TENM4: variants seen among roughly 807,000 people sequenced by gnomAD.
TENM4 encodes the protein teneurin transmembrane protein 4.
In TENM4, 82 loss-of-function variants were observed where a neutral mutation model predicts 243.3. That is an observed-to-expected ratio of 0.34 (90% confidence interval 0.28 to 0.40). The LOEUF is 0.40. Among genes scored for constraint, TENM4 ranks in the 10% least tolerant of loss-of-function variants. TENM4 has a pLI of 1.00. For missense variants in TENM4, 3,138 were observed against 3,673.3 expected, an observed-to-expected ratio of 0.85 and a Z score of 3.77; for synonymous variants, 1,412 against 1,456.3, an observed-to-expected ratio of 0.97 and a Z score of 0.69.
intron 6 of TENM4, among the ~76,000 whole-genome samples, chr11:79,049,601 C>G (rs1242209478): frequency 6.6e-6 from 1 of 152,226 alleles, no homozygotes; most frequent in Non-Finnish European, 1.5e-5. Flanking sequence ...GGCTGGTAAA[C>G]AGTTGCCTAG....
At chr11:78,743,359 C>A (rs911881371) in intron 19 of TENM4, among the ~76,000 whole-genome samples, 1 of 152,180 alleles carries the variant, frequency 6.6e-6, no homozygotes, top group African/African-American at 2.4e-5. Context: ...CAGCATTGAT[C>A]ACGGTTGATG....
At chr11:78,850,685 G>T (rs1299156675) in intron 12 of TENM4, among the ~76,000 whole-genome samples, 2 of 152,228 alleles carry the variant, frequency 1.3e-5, no homozygotes, top group East Asian at 3.8e-4. Flanking sequence ...AAGGCAGCAA[G>T]AGAAAGGTGG....
chr11:78,766,626 C>A (rs1456358797), intron 18 of TENM4, among the ~76,000 whole-genome samples: 7 of 151,976 alleles, frequency 4.6e-5, no homozygotes, highest in Non-Finnish European at 1.0e-4. Flanking sequence ...ATTTTTAAAT[C>A]TAGCCAACAA....
chr11:79,208,295 A>G (rs916622773), intron 3 of TENM4, among the ~76,000 whole-genome samples: 1 of 152,328 alleles, frequency 6.6e-6, no homozygotes, highest in East Asian at 1.9e-4. Flanking sequence ...GAAAAGTGCT[A>G]TTTATGACAG....
chr11:78,702,716 A>G lies in TENM4; in HGVS notation c.4210-313T>C, dbSNP rs541762122. 6.6e-5 allele frequency among the ~76,000 whole-genome samples: 10 copies of G among 152,342 alleles called. No homozygotes were observed. In the East Asian group the frequency reaches 1.2e-3, roughly 18 times the overall value. ...GCCTGAGTTCAGAGCATAGTCCACTACTTATGACTGTGGGCAAGTTACTTT... is the reference window on the plus strand; with the variant it reads ...GCCTGAGTTCAGAGCATAGTCCACTGCTTATGACTGTGGGCAAGTTACTTT... On this transcript the variant is annotated intron_variant, in intron 27 of 33. Coordinates refer to ENST00000278550, the MANE Select transcript of TENM4 (RefSeq NM_001098816.3).
chr11:79,044,004 T>C (rs971096645), intron 6 of TENM4, among the ~76,000 whole-genome samples: 5 of 152,158 alleles, frequency 3.3e-5, no homozygotes, highest in Non-Finnish European at 5.9e-5. Context: ...CCACTGACTT[T>C]GAACTTCATG....
intron 3 of TENM4, among the ~76,000 whole-genome samples, chr11:79,154,040 C>T (rs545756010): frequency 1.3e-5 from 2 of 152,194 alleles, no homozygotes; most frequent in Non-Finnish European, 2.9e-5. Context: ...AACCTGAAGG[C>T]TTATGTCACC....
At chr11:79,238,256 C>T (rs527507416) in intron 2 of TENM4, among the ~76,000 whole-genome samples, 1 of 152,148 alleles carries the variant, frequency 6.6e-6, no homozygotes, top group African/African-American at 2.4e-5. Context: ...GGGTTAATTT[C>T]ATGTGTCAAG....
chr11:79,326,856 C>A (rs1244262269), intron 1 of TENM4, among the ~76,000 whole-genome samples: 1 of 152,200 alleles, frequency 6.6e-6, no homozygotes, highest in African/African-American at 2.4e-5. Context: ...ACTCCAGTGC[C>A]AGGCATATGG....
chr11:79,316,504 G>T (rs1424879406), intron 1 of TENM4, among the ~76,000 whole-genome samples: 4 of 152,190 alleles, frequency 2.6e-5, no homozygotes, highest in African/African-American at 9.7e-5. Context: ...AGAAGACTGG[G>T]TTGAGTATTA....
At chr11:79,352,207 T>A (rs1163535926) in intron 1 of TENM4, among the ~76,000 whole-genome samples, 2 of 152,148 alleles carry the variant, frequency 1.3e-5, no homozygotes, top group Non-Finnish European at 2.9e-5. Context: ...GCTGCCAGAA[T>A]GAATTAGAAG....
At chr11:79,439,084 C>T (rs1000236864) in intron 1 of TENM4, 1 of 151,892 alleles carries the variant, frequency 6.6e-6, no homozygotes, top group African/African-American at 2.4e-5. Flanking sequence ...AGATCTCTCT[C>T]CTTACTCGGC....
At chr11:79,267,938 T>C (rs1222835071) in intron 2 of TENM4, among the ~76,000 whole-genome samples, 3 of 152,226 alleles carry the variant, frequency 2.0e-5, no homozygotes, top group Non-Finnish European at 4.4e-5. Context: ...ATCCTGCTAG[T>C]GTAACCAAAA....
At chr11:79,188,692 G>A (rs1170697696) in intron 3 of TENM4, among the ~76,000 whole-genome samples, 3 of 151,546 alleles carry the variant, frequency 2.0e-5, no homozygotes, top group Non-Finnish European at 4.4e-5. Context: ...GGAGAAAAGA[G>A]AGAGAGGAGG....
chr11:79,326,986 A>G (rs1856984752), intron 1 of TENM4, among the ~76,000 whole-genome samples: 1 of 152,176 alleles, frequency 6.6e-6, no homozygotes, highest in South Asian at 2.1e-4. Context: ...CATCTCACTT[A>G]TTTTTCTCTC....
rs1859891907 is a variant in TENM4, at chr11:79,054,557, G to C, written c.493+10181C>G. On this transcript the variant is annotated intron_variant, in intron 6 of 33. Transcript: ENST00000278550. ...TCTGCTGCCCAGGCTAGAGTTCAGTGGTGTAATCATAGCTCACTGCAGCCT... is the reference window on the plus strand; with the variant it reads ...TCTGCTGCCCAGGCTAGAGTTCAGTCGTGTAATCATAGCTCACTGCAGCCT... Among the ~76,000 whole-genome samples, 2 of 151,200 alleles carry C rather than the reference G, an allele frequency of 1.3e-5. 1 individual carries two copies. Among genetic ancestry groups the C allele is most frequent in the Non-Finnish European group, 2.9e-5 (2 of 67,874 alleles).
chr11:79,022,026 G>C (rs1405709543), intron 6 of TENM4, among the ~76,000 whole-genome samples: 1 of 152,140 alleles, frequency 6.6e-6, no homozygotes, highest in African/African-American at 2.4e-5. Flanking sequence ...GAGAAACCAA[G>C]GGACATTGAT....
At chr11:78,854,022 A>G in intron 12 of TENM4, 82 bp downstream of exon 12, 1 of 1,338,608 alleles carries the variant, frequency 7.5e-7, no homozygotes, top group Non-Finnish European at 1.0e-6. Context: ...TCCCCTTGTC[A>G]GTGTCAGTCC....
chr11:78,717,653 T>C (rs1455502573), intron 25 of TENM4, among the ~76,000 whole-genome samples: 2 of 152,200 alleles, frequency 1.3e-5, no homozygotes, highest in Non-Finnish European at 2.9e-5. Flanking sequence ...AAATACCCAA[T>C]AAATGGCAGC....
Sources: gnomAD v4.1 joint callset for allele counts (sites outside exome capture counted in the v4.1 genomes callset) on GRCh38, gnomAD v4.1.1 for gene constraint, MANE v1.5 for transcripts, NCBI Gene and HGNC (gene_info 2026-07-23, HGNC 2026-07-21) for gene names.